Variants in VASP observed in about 807,000 individuals in gnomAD.
VASP encodes vasodilator stimulated phosphoprotein, also known as vasodilator-stimulated phosphoprotein.
In VASP, 27 loss-of-function variants were observed where a neutral mutation model predicts 54.4. The observed-to-expected ratio is 0.50, with a 90% CI of 0.37 to 0.68. The LOEUF (loss-of-function observed/expected upper bound fraction) is 0.68. Ranked by LOEUF, VASP falls within the 30% of genes least tolerant of loss-of-function variation. The probability of loss-of-function intolerance (pLI) is 0.00; values close to 1 mark genes in which losing one functional copy is unlikely to be tolerated. For synonymous variants in VASP, 233 were observed against 209.8 expected, an observed-to-expected ratio of 1.11 and a Z score of -0.96; for missense variants, 488 against 528.3, an observed-to-expected ratio of 0.92 and a Z score of 0.75.
chr19:45,520,127 C>T (rs1968800585), intron 3 of VASP, among the ~76,000 whole-genome samples: 1 of 152,090 alleles, frequency 6.6e-6, no homozygotes, highest in Admixed American at 6.6e-5. Context: ...GTCTCGAACT[C>T]CTGACCTCAG....
intron 11 of VASP, chr19:45,525,676 T>C (rs62109648): frequency 0.29 from 90,243 of 308,978 alleles, 13,977 homozygotes; most frequent in African/African-American, 0.31. Flanking sequence ...GCAGTCTGGG[T>C]GACAGGGAGA....
intron 3 of VASP, among the ~76,000 whole-genome samples, chr19:45,519,022 T>A: frequency 6.6e-6 from 1 of 151,112 alleles, no homozygotes; most frequent in Non-Finnish European, 1.5e-5. Flanking sequence ...TGTTTTTATT[T>A]TTATTTTTTT....
At chr19:45,524,832 G>A in intron 11 of VASP, 172 bp downstream of exon 11, 1 of 605,616 alleles carries the variant, frequency 1.7e-6, no homozygotes, top group Non-Finnish European at 2.9e-6. Context: ...CCCCTTTTCT[G>A]GCACCTGTGA....
rs141326345 is a variant in VASP at position 45,507,617 on chromosome 19, G to T, written c.-155G>T. ...GGCGCCCGGAGACCCGCCCCGGCCC[G>T]GTCCACATTCTCCCCAGGAAGCCGG... On this transcript the variant is annotated 5_prime_UTR_variant, in exon 1 of 13. Coordinates refer to ENST00000245932, the MANE Select transcript of VASP (RefSeq NM_003370.4). The surrounding 1 kb of genome is among the most constrained non-coding windows in gnomAD (Gnocchi z 4.4). 1,779 of 923,496 alleles carry T rather than the reference G, an allele frequency of 1.9e-3. 25 individuals carry two copies. The African/African-American group carries it at 0.027, about 14-fold the overall frequency. 57.2% of individuals were successfully genotyped at this position (923,496 alleles called of 1,614,324 possible).
chr19:45,521,561 C>T (rs1438342899), intron 4 of VASP, among the ~76,000 whole-genome samples, 155 bp downstream of exon 4: 1 of 152,228 alleles, frequency 6.6e-6, no homozygotes, highest in Non-Finnish European at 1.5e-5. Flanking sequence ...CTCCTGGTCC[C>T]TGCAGATTCC....
chr19:45,521,455 T>C, intron 4 of VASP, 49 bp downstream of exon 4: 2 of 1,441,244 alleles, frequency 1.4e-6, no homozygotes, highest in Non-Finnish European at 1.9e-6. Context: ...CAGAGTTCCA[T>C]ATGTTCTGGA....
At position 45,526,266 on chromosome 19, in the gene VASP, T is replaced by G. The variant is rs767944809; in HGVS notation, c.*89T>G. The G allele has an allele frequency of 2.0e-6, 3 of 1,472,862 alleles. No homozygotes were observed. The highest frequency in any genetic ancestry group is 2.7e-6 in the Non-Finnish European group (3 of 1,097,118). The allele number at this position is 1,472,862 out of a possible 1,614,324, so 91.2% of individuals were successfully genotyped here. A position where few individuals can be genotyped will look rare whatever the true frequency, so the allele number is the denominator to read the frequency against. ...TGCCTCTACTTGACTTGGAATTGGC[T>G]GAAGACTACACAGGAATGCATCGTT... On this transcript the variant is annotated 3_prime_UTR_variant, in exon 13 of 13. Coordinates refer to ENST00000245932, the MANE Select transcript of VASP (RefSeq NM_003370.4).
chr19:45,518,187 G>A (rs762157791), intron 3 of VASP, 93 bp downstream of exon 3: 79 of 1,474,588 alleles, frequency 5.4e-5, no homozygotes, highest in Non-Finnish European at 5.5e-5. Context: ...TTTACTCGTC[G>A]GTAAAATAGA....
chr19:45,513,574 T>G (rs900181889), intron 1 of VASP, among the ~76,000 whole-genome samples: 6 of 149,902 alleles, frequency 4.0e-5, no homozygotes, highest in African/African-American at 1.5e-4. Context: ...GTTCAGTGAT[T>G]CCCCTGCCTC....
At position 45,521,343 on chromosome 19, in the gene VASP, C is replaced by G. The variant is rs776805584; in HGVS notation, c.365C>G (p.Pro122Arg). Residue 122 changes from proline to arginine, a missense_variant, in exon 4 of 13, where the codon CCA becomes CGA. By Grantham distance (103) the Pro-to-Arg change is moderately radical. Transcript: ENST00000245932. ...TCAGGAGGTGGGCCCCCTCCACCCC[C>G]AGCACTTCCCACCTGGTCGGTCCCG... ...ALEGGGPPPP[P>R]ALPTWSVPNG... 3 of 1,581,396 alleles carry G rather than the reference C, an allele frequency of 1.9e-6. No individual in the cohort carries two copies.
intron 1 of VASP, among the ~76,000 whole-genome samples, chr19:45,515,593 A>G (rs955971924): frequency 9.2e-5 from 14 of 151,966 alleles, no homozygotes; most frequent in African/African-American, 2.7e-4. Context: ...CTGGAGTGCA[A>G]TGGCGTGATC....
At chr19:45,516,477 G>A (rs543634203) in intron 1 of VASP, among the ~76,000 whole-genome samples, 3 of 152,246 alleles carry the variant, frequency 2.0e-5, no homozygotes, top group African/African-American at 7.2e-5. Context: ...AGGGGGGTGC[G>A]TAGAGATAGG....
chr19:45,515,956 C>T (rs1440770016), intron 1 of VASP, among the ~76,000 whole-genome samples: 2 of 152,146 alleles, frequency 1.3e-5, no homozygotes, highest in Non-Finnish European at 2.9e-5. Flanking sequence ...GGTCATGTGC[C>T]TGAGTCACAT....
chr19:45,516,308 G>A (rs998107570), intron 1 of VASP, among the ~76,000 whole-genome samples: 3 of 152,256 alleles, frequency 2.0e-5, no homozygotes, highest in African/African-American at 7.2e-5. Flanking sequence ...GGAGTATCTG[G>A]GGAATGGCCG....
At chr19:45,523,903 CA>C in intron 9 of VASP, 26 bp downstream of exon 9, 1 of 1,613,694 alleles carries the variant, frequency 6.2e-7, no homozygotes, top group Non-Finnish European at 8.5e-7. Flanking sequence ...AGTCCAGCCA[CA>C]GGAACTACAA....
intron 1 of VASP, among the ~76,000 whole-genome samples, chr19:45,514,545 T>C (rs1302156735): frequency 6.6e-6 from 1 of 152,168 alleles, no homozygotes; most frequent in African/African-American, 2.4e-5. Context: ...AACAGGATCC[T>C]TCTGTTACAA....
chr19:45,510,446 G>A lies in VASP; in HGVS notation c.5+2670G>A, dbSNP rs559597911. On this transcript the variant is annotated intron_variant, in intron 1 of 12. Coordinates refer to ENST00000245932, the MANE Select transcript of VASP (RefSeq NM_003370.4). ...TCACCGTGATGGCCAGGCTGGTCTC[G>A]AACTCTTAACCTCAGGTGATCCACC... Among the ~76,000 whole-genome samples, 3 of 152,098 alleles carry A rather than the reference G, an allele frequency of 2.0e-5. No individual in the cohort carries two copies. The South Asian group carries it at 6.2e-4, about 32-fold the overall frequency.
intron 11 of VASP, among the ~76,000 whole-genome samples, chr19:45,525,612 C>T (rs779101057): frequency 6.6e-6 from 1 of 151,996 alleles, no homozygotes; most frequent in Non-Finnish European, 1.5e-5. Context: ...GCAGGAGAAT[C>T]GCTTGAACCC....
intron 10 of VASP, 28 bp from the exon 11 acceptor site, chr19:45,524,514 GAAGCAGGTCCTCTCTCTAATCTCATTGC>G: frequency 6.5e-7 from 1 of 1,538,764 alleles, no homozygotes; most frequent in South Asian, 1.1e-5. Context: ...AGGAGGCGGG[GAAGCAGGTCCTCTCTCTAATCTCATTGC>G]TGTCCCAAAC....
Sources: allele counts gnomAD v4.1 joint callset (sites outside exome capture counted in the v4.1 genomes callset), GRCh38; gene constraint gnomAD v4.1.1; non-coding constraint Gnocchi (gnomAD v3.1); transcripts MANE v1.5; gene names NCBI Gene and HGNC (gene_info 2026-07-23, HGNC 2026-07-21).